Variants in TBC1D19 observed in about 807,000 individuals in gnomAD.
The protein encoded by TBC1D19 is TBC1 domain family member 19, also known as TBC1 domain family, member 19.
In TBC1D19, 60 loss-of-function variants were observed where a neutral mutation model predicts 89.0. The ratio of observed to expected loss-of-function variants is 0.67; its 90% CI spans 0.55 to 0.84. TBC1D19 has a LOEUF of 0.84. Ranked by LOEUF, TBC1D19 falls within the 40% of genes least tolerant of loss-of-function variation. TBC1D19 has a pLI of 0.00. For missense variants in TBC1D19, 500 were observed against 610.8 expected, an observed-to-expected ratio of 0.82 and a Z score of 1.91; for synonymous variants, 189 against 199.7, an observed-to-expected ratio of 0.95 and a Z score of 0.45.
chr4:26,629,915 G>T (rs926677345), intron 4 of TBC1D19, among the ~76,000 whole-genome samples: 1 of 151,418 alleles, frequency 6.6e-6, no homozygotes, highest in African/African-American at 2.4e-5. Flanking sequence ...TATTAATATT[G>T]GTTGTTTTTG....
chr4:26,676,793 G>C (rs988070934), intron 11 of TBC1D19, among the ~76,000 whole-genome samples: 2 of 150,084 alleles, frequency 1.3e-5, no homozygotes, highest in African/African-American at 4.9e-5. Context: ...TTCCTTTATT[G>C]ACATATTCCT....
the TBC1D19 span, among the ~76,000 whole-genome samples, chr4:26,798,093 G>T: frequency 4.9e-4 from 74 of 152,176 alleles, 2 homozygotes; most frequent in South Asian, 0.015. Context: ...TAAATAATCA[G>T]CAGAGTAAAC....
chr4:26,796,620 G>T, the TBC1D19 span, among the ~76,000 whole-genome samples: 3 of 152,232 alleles, frequency 2.0e-5, no homozygotes, highest in Admixed American at 2.0e-4. Context: ...GATCACCTGA[G>T]CCTAGGAGAC....
intron 7 of TBC1D19, among the ~76,000 whole-genome samples, chr4:26,653,600 T>C (rs773089410): frequency 6.6e-6 from 1 of 152,238 alleles, no homozygotes; most frequent in Non-Finnish European, 1.5e-5. Flanking sequence ...GCTTGTCTTG[T>C]TGAATTGATC....
rs781296941 is a variant in TBC1D19, at chr4:26,666,388, C to A, written c.647C>A (p.Ser216Tyr). 3.7e-6 allele frequency: 6 copies of A among 1,609,844 alleles called. No individual in the cohort carries two copies. The South Asian group carries it at 6.6e-5, about 18-fold the overall frequency. The change falls in exon 9 of 21, where the codon TCT (serine) becomes TAT (tyrosine). Residue 216 changes from serine to tyrosine, a missense_variant. Transcript: ENST00000264866. ...ATAGGACAACTGGGTATAGATGATT[C>A]TACACAAGTGCCTCCTGGTTAGTAT... ...LNIGQLGIDD[S>Y]TQVPPELFEN... is the part of the protein sequence containing the mutation.
chr4:26,703,556 C>T (rs925232358), intron 13 of TBC1D19, among the ~76,000 whole-genome samples: 6 of 152,024 alleles, frequency 3.9e-5, no homozygotes, highest in African/African-American at 1.4e-4. Context: ...TGGTCATAGC[C>T]GATTTATTGG....
intron 7 of TBC1D19, among the ~76,000 whole-genome samples, chr4:26,654,363 C>T (rs906766517): frequency 6.6e-6 from 1 of 152,100 alleles, no homozygotes; most frequent in Non-Finnish European, 1.5e-5. Flanking sequence ...TGGAGTTGCT[C>T]TTCTCGAGGA....
chr4:26,684,034 C>G (rs922756708), intron 12 of TBC1D19, among the ~76,000 whole-genome samples: 10 of 152,150 alleles, frequency 6.6e-5, no homozygotes, highest in African/African-American at 2.2e-4. Context: ...GCTTTCTACA[C>G]AAACCAAGTA....
At chr4:26,852,351 C>T in the TBC1D19 span, among the ~76,000 whole-genome samples, 7 of 151,960 alleles carry the variant, frequency 4.6e-5, no homozygotes, top group South Asian at 8.3e-4. Context: ...CTCAGGAGTT[C>T]GAGACCAGCC....
chr4:26,666,117 A>G (rs1711788542), intron 8 of TBC1D19, among the ~76,000 whole-genome samples: 1 of 151,960 alleles, frequency 6.6e-6, no homozygotes. Context: ...TAAATATTAT[A>G]TAGTAATCAC....
chr4:26,774,534 A>T, the TBC1D19 span, among the ~76,000 whole-genome samples: 1 of 152,176 alleles, frequency 6.6e-6, no homozygotes, highest in Non-Finnish European at 1.5e-5. Context: ...CTCTTGTCAG[A>T]ATTTTCCCTG....
chr4:26,779,320 C>T, the TBC1D19 span, among the ~76,000 whole-genome samples: 4 of 152,150 alleles, frequency 2.6e-5, no homozygotes, highest in African/African-American at 2.4e-5. Context: ...AAAGGAACTC[C>T]GGGAGAAGGG....
intron 7 of TBC1D19, among the ~76,000 whole-genome samples, chr4:26,650,813 C>G (rs1178566521): frequency 6.6e-6 from 1 of 152,114 alleles, no homozygotes; most frequent in South Asian, 2.1e-4. Context: ...AATGGTATTA[C>G]CTAGGTTTTC....
chr4:26,764,531 T>C, the TBC1D19 span, among the ~76,000 whole-genome samples: 6 of 152,336 alleles, frequency 3.9e-5, no homozygotes, highest in Middle Eastern at 3.4e-3. Flanking sequence ...ACTTTAGCAG[T>C]AAGAAAGATG....
intron 13 of TBC1D19, chr4:26,702,178 AT>A (rs1715386106): frequency 6.6e-6 from 1 of 152,204 alleles, no homozygotes. Flanking sequence ...TTAAGGGAGC[AT>A]TCATTTTTAT....
the TBC1D19 span, among the ~76,000 whole-genome samples, chr4:26,799,986 A>G: frequency 6.6e-6 from 1 of 152,076 alleles, no homozygotes; most frequent in Non-Finnish European, 1.5e-5. Context: ...TGCCTGTTGG[A>G]CATTTACATT....
chr4:26,627,884 A>T (rs1201605780), intron 4 of TBC1D19, among the ~76,000 whole-genome samples: 14 of 151,954 alleles, frequency 9.2e-5, no homozygotes, highest in Non-Finnish European at 1.6e-4. Flanking sequence ...GAAGCTCTTT[A>T]GTTTAATTAG....
At chr4:26,749,001 C>G (rs1460975921) in intron 19 of TBC1D19, among the ~76,000 whole-genome samples, 2 of 152,220 alleles carry the variant, frequency 1.3e-5, no homozygotes, top group African/African-American at 4.8e-5. Context: ...GAAGTTAAAA[C>G]CTTTTCCTTT....
At chr4:26,773,888 G>A in the TBC1D19 span, among the ~76,000 whole-genome samples, 2 of 152,182 alleles carry the variant, frequency 1.3e-5, no homozygotes, top group Non-Finnish European at 2.9e-5. Context: ...ATAGTTTGAA[G>A]TTGGGTAACG....
Sources: allele counts gnomAD v4.1 joint callset (sites outside exome capture counted in the v4.1 genomes callset), GRCh38; gene constraint gnomAD v4.1.1; transcripts MANE v1.5; gene names NCBI Gene and HGNC (gene_info 2026-07-23, HGNC 2026-07-21).